PDCD11: variants seen among roughly 807,000 people sequenced by gnomAD.
The protein encoded by PDCD11 is programmed cell death 11.
In PDCD11, 97 loss-of-function variants were observed where a neutral mutation model predicts 198.9. The observed-to-expected ratio is 0.49, with a 90% confidence interval of 0.41 to 0.58. PDCD11 has a LOEUF of 0.58. PDCD11 is among the 20% of genes least tolerant of loss of function. The probability of loss-of-function intolerance (pLI) is 0.00; values close to 1 mark genes in which losing one functional copy is unlikely to be tolerated. For missense variants in PDCD11, 2,102 were observed against 2,312.7 expected (o/e 0.91, Z 1.87); for synonymous variants, 893 against 918.0 (o/e 0.97, Z 0.49).
chr10:103,420,405 C>A (rs1046773757), intron 16 of PDCD11, among the ~76,000 whole-genome samples: 2 of 152,066 alleles, frequency 1.3e-5, no homozygotes, highest in Admixed American at 1.3e-4. Context: ...GTTAAGGGAC[C>A]AGAATGTCTT....
At chr10:103,413,349 G>T (rs778100193) in intron 9 of PDCD11, 27 bp downstream of exon 9, 1 of 1,577,070 alleles carries the variant, frequency 6.3e-7, no homozygotes, top group Admixed American at 1.7e-5. Context: ...GTTTGGTCAG[G>T]GATCTTATCA....
chr10:103,438,630 G>A, intron 26 of PDCD11, 56 bp from the exon 27 acceptor site: 1 of 1,608,322 alleles, frequency 6.2e-7, no homozygotes, highest in Non-Finnish European at 8.5e-7. Context: ...GTGTATTGGG[G>A]GTGGCATGGG....
At chr10:103,428,321 A>AAAT (rs397959929) in intron 21 of PDCD11, among the ~76,000 whole-genome samples, 1 of 151,138 alleles carries the variant, frequency 6.6e-6, no homozygotes, top group Non-Finnish European at 1.5e-5. Flanking sequence ...AAAAAAAAAA[A>AAAT]CACAAAGTAA....
At chr10:103,442,119 C>A in intron 31 of PDCD11, 94 bp from the exon 32 acceptor site, 1 of 1,564,090 alleles carries the variant, frequency 6.4e-7, no homozygotes, top group Non-Finnish European at 8.7e-7. Flanking sequence ...TATATAGAGC[C>A]CTGGGCTGCC....
At chr10:103,443,130 A>C in intron 32 of PDCD11, 35 bp from the exon 33 acceptor site, 1 of 1,532,862 alleles carries the variant, frequency 6.5e-7, no homozygotes, top group Non-Finnish European at 8.8e-7. Flanking sequence ...CACTGGTTTC[A>C]TGTGGCGCTC....
At chr10:103,423,474 A>G in intron 18 of PDCD11, 69 bp from the exon 19 acceptor site, 2 of 1,143,886 alleles carry the variant, frequency 1.7e-6, no homozygotes, top group Admixed American at 1.7e-5. Flanking sequence ...TAGCAGCTAC[A>G]TGTGAGAGGT....
In PDCD11 at chr10:103,444,080, T is replaced by C. The variant is rs532736760; in HGVS notation, c.5278+12T>C. On this transcript the variant is annotated intron_variant, in intron 34 of 35. Coordinates refer to ENST00000369797, the MANE Select transcript of PDCD11 (RefSeq NM_014976.2). ...GCCTAGCAAGGAGCGTGAGTGCTCATTCCCAGCTCCTGAGCCCATGAGCAC... is the reference window on the plus strand; with the variant it reads ...GCCTAGCAAGGAGCGTGAGTGCTCACTCCCAGCTCCTGAGCCCATGAGCAC... 1.1e-5 allele frequency: 18 copies of C among 1,607,940 alleles called. No individual in the cohort carries two copies. The highest frequency in any genetic ancestry group is 1.5e-5 in the Non-Finnish European group (18 of 1,178,140).
intron 17 of PDCD11, among the ~76,000 whole-genome samples, chr10:103,422,269 CAG>C (rs1365068204): frequency 6.6e-6 from 1 of 151,446 alleles, no homozygotes; most frequent in Non-Finnish European, 1.5e-5. Context: ...TTAGAGAAGA[CAG>C]GGTTTCGCCA....
At chr10:103,416,880 A>C in intron 13 of PDCD11, 138 bp downstream of exon 13, 1 of 953,946 alleles carries the variant, frequency 1.0e-6, no homozygotes, top group Non-Finnish European at 1.6e-6. Flanking sequence ...AGCCGGCTAA[A>C]TGGAGGAGAC....
rs144287622 is a variant in PDCD11 at position 103,427,356 on chromosome 10, C to T, written c.3333C>T (p.Phe1111=). ...FKYLPISHPR[F]VRTIPELSVR... is the part of the protein sequence containing the mutation. ...ATCTCCCAATAAGTCACCCCAGATT[C>T]GTTCGAACCATCCCGGAGCTGAGTG... The change falls in exon 21 of 36, where the codon TTC becomes TTT. Residue 1111 remains phenylalanine, a synonymous_variant. Coordinates refer to ENST00000369797, the MANE Select transcript of PDCD11 (RefSeq NM_014976.2). 1,704 of 1,613,100 alleles carry T rather than the reference C, an allele frequency of 1.1e-3. 3 individuals carry two copies. The highest frequency in any genetic ancestry group is 1.4e-3 in the Non-Finnish European group (1,612 of 1,179,470).
At chr10:103,443,722 G>A (rs1185045757) in intron 33 of PDCD11, among the ~76,000 whole-genome samples, 193 bp from the exon 34 acceptor site, 4 of 152,158 alleles carry the variant, frequency 2.6e-5, no homozygotes, top group East Asian at 1.9e-4. Context: ...AATCCCCTCC[G>A]TCGTGTTGTG....
intron 27 of PDCD11, 128 bp from the exon 28 acceptor site, chr10:103,439,618 G>A: frequency 9.9e-7 from 1 of 1,009,988 alleles, no homozygotes; most frequent in South Asian, 1.4e-5. Flanking sequence ...CCTGCTGAAT[G>A]CCAGGAACTT....
chr10:103,442,105 G>T, intron 31 of PDCD11, 108 bp from the exon 32 acceptor site: 1 of 1,542,350 alleles, frequency 6.5e-7, no homozygotes, highest in Non-Finnish European at 8.9e-7. Flanking sequence ...CAGGCCAGGG[G>T]GTATATATAG....
intron 25 of PDCD11, among the ~76,000 whole-genome samples, chr10:103,435,194 TATAA>T (rs1188344594): frequency 6.6e-6 from 1 of 152,126 alleles, no homozygotes; most frequent in Non-Finnish European, 1.5e-5. Flanking sequence ...TTTTTCTTTA[TATAA>T]ATAATAGAAT....
chr10:103,434,963 A>G lies in PDCD11; in HGVS notation c.3833A>G (p.Gln1278Arg), dbSNP rs1457404298. 2 of 1,566,312 alleles carry G rather than the reference A, an allele frequency of 1.3e-6. No individual in the cohort carries two copies. The highest frequency in any genetic ancestry group is 1.7e-4 in the Middle Eastern group (1 of 5,962). ...ACGCCCCTGGAAGACTTCGTCCCCC[A>G]GAAGGTTGTCAGGTAAGCGAAGTGT... Reference protein sequence around the residue: ...SETPLEDFVPQKVVRCYILST... With the variant: ...SETPLEDFVPRKVVRCYILST... The change falls in exon 25 of 36, where the codon CAG (glutamine) becomes CGG (arginine). Residue 1278 changes from glutamine (Q) to arginine (R), a missense_variant. By Grantham distance (43) the Gln-to-Arg change is conservative (BLOSUM62 1). Transcript: ENST00000369797.
rs1292314851 is a variant in PDCD11, at chr10:103,398,514, G to C, written c.88G>C (p.Asp30His). 1.2e-6 allele frequency: 2 copies of C among 1,610,272 alleles called. No individual in the cohort carries two copies. The highest frequency in any genetic ancestry group is 1.1e-5 in the South Asian group (1 of 91,006). The change falls in exon 2 of 36, where the codon GAC (aspartate) becomes CAC (histidine). Residue 30 changes from aspartate (D) to histidine (H), a missense_variant. Transcript: ENST00000369797. Reference protein sequence around the residue: ...EKAFQQSVEQDNLFDISTEEG... With the variant: ...EKAFQQSVEQHNLFDISTEEG... ...AGCTTTCCAGCAGTCAGTTGAACAA[G>C]ACAACTTATTTGATGTAAGTAGTAT...
intron 1 of PDCD11, among the ~76,000 whole-genome samples, chr10:103,397,346 A>G (rs1433802646): frequency 1.3e-5 from 2 of 150,252 alleles, no homozygotes; most frequent in Non-Finnish European, 2.9e-5. Flanking sequence ...TTTCTTGCTT[A>G]CTGTTCTCTC....
At position 103,416,523 on chromosome 10, in the gene PDCD11, G is replaced by C. The variant is rs1449988850; in HGVS notation, c.1551G>C (p.Leu517=). ...TTTGTGACCCTGAAGCCAAGAAGCTGATGATGACCCTGAAAAAAACCCTGA... is the reference window on the plus strand; with the variant it reads ...TTTGTGACCCTGAAGCCAAGAAGCTCATGATGACCCTGAAAAAAACCCTGA... ...VLLCDPEAKK[L]MMTLKKTLIE... is the part of the protein sequence containing the mutation. Residue 517 remains leucine, a synonymous_variant, in exon 13 of 36, where the codon CTG becomes CTC. Transcript: ENST00000369797. 6.2e-7 allele frequency: 1 copy of C among 1,614,050 alleles called. No individual in the cohort carries two copies. The highest frequency in any genetic ancestry group is 1.3e-5 in the African/African-American group (1 of 74,942).
rs781462200 is a variant in PDCD11 at position 103,406,696 on chromosome 10, A to G, written c.776A>G (p.His259Arg). ...NGGVVSLSVGHSEVSTAIATE... is the reference protein window; with the variant it reads ...NGGVVSLSVGRSEVSTAIATE... ...GGAGTTGTTAGTCTGTCTGTTGGTC[A>G]CTCAGAGGTTTCTACGGCCATTGCT... The change falls in exon 7 of 36, where the codon CAC (histidine) becomes CGC (arginine). Residue 259 changes from histidine to arginine, a missense_variant. Coordinates refer to ENST00000369797, the MANE Select transcript of PDCD11 (RefSeq NM_014976.2). 3.7e-6 allele frequency: 6 copies of G among 1,614,024 alleles called. No individual in the cohort carries two copies. The South Asian group carries it at 6.6e-5, about 18-fold the overall frequency.
Sources: gnomAD v4.1 joint callset for allele counts (sites outside exome capture counted in the v4.1 genomes callset) on GRCh38, gnomAD v4.1.1 for gene constraint, MANE v1.5 for transcripts, NCBI Gene and HGNC (gene_info 2026-07-23, HGNC 2026-07-21) for gene names.